NRG1: variants seen among roughly 807,000 people sequenced by gnomAD.
NRG1 encodes neuregulin 1.
NRG1 carries 18 observed loss-of-function variants against 63.8 expected under a neutral mutation model. That is an observed-to-expected ratio of 0.28 (90% CI 0.19 to 0.42). The LOEUF (loss-of-function observed/expected upper bound fraction) is 0.42. Ranked by LOEUF, NRG1 falls within the 10% of genes least tolerant of loss-of-function variation. NRG1 has a pLI of 1.00. For synonymous variants in NRG1, 302 were observed against 301.3 expected (o/e 1.00, Z -0.02); for missense variants, 762 against 814.7 (o/e 0.94, Z 0.79).
chr8:32,404,330 G>T (rs938927478), intron 1 of NRG1, among the ~76,000 whole-genome samples: 1 of 152,144 alleles, frequency 6.6e-6, no homozygotes, highest in Non-Finnish European at 1.5e-5. Context: ...GCACACTCAT[G>T]TATTTTATAT....
At chr8:31,698,475 T>C (rs1810312906) in intron 1 of NRG1, among the ~76,000 whole-genome samples, 1 of 152,222 alleles carries the variant, frequency 6.6e-6, no homozygotes, top group Non-Finnish European at 1.5e-5. Flanking sequence ...TAATTTTCGT[T>C]TAGTGAAGAG....
intron 1 of NRG1, among the ~76,000 whole-genome samples, chr8:31,911,340 C>T (rs1832928759): frequency 6.6e-6 from 1 of 152,102 alleles, no homozygotes; most frequent in Non-Finnish European, 1.5e-5. Context: ...AATCTAAATG[C>T]TCACCAACCG....
intron 5 of NRG1, among the ~76,000 whole-genome samples, chr8:32,717,604 C>T (rs1216574144): frequency 6.6e-6 from 1 of 152,138 alleles, no homozygotes; most frequent in Admixed American, 6.5e-5. Flanking sequence ...TTCCGTGCAG[C>T]AATTTCTGGC....
intron 5 of NRG1, among the ~76,000 whole-genome samples, chr8:32,633,598 T>G (rs2129544532): frequency 6.6e-6 from 1 of 152,334 alleles, no homozygotes; most frequent in Non-Finnish European, 1.5e-5. Context: ...CTCCACTATG[T>G]GTCAACTGCA....
At chr8:32,389,601 G>C (rs1383106713) in intron 1 of NRG1, among the ~76,000 whole-genome samples, 2 of 151,934 alleles carry the variant, frequency 1.3e-5, no homozygotes, top group African/African-American at 4.8e-5. Flanking sequence ...CCTAGTTCTG[G>C]CCATCCTCAC....
At chr8:32,093,158 C>T (rs1293267260) in intron 1 of NRG1, among the ~76,000 whole-genome samples, 1 of 152,168 alleles carries the variant, frequency 6.6e-6, no homozygotes, top group African/African-American at 2.4e-5. Flanking sequence ...CCTTGAGATG[C>T]TGTTAATCTG....
Position 32,365,923 on chromosome 8 carries a change from G to T in NRG1, c.38-229905G>T, listed in dbSNP as rs531342482. 4.9e-4 allele frequency among the ~76,000 whole-genome samples: 74 copies of T among 152,200 alleles called. 1 individual carries two copies. Among genetic ancestry groups the T allele is most frequent in the African/African-American group, 1.8e-3 (74 of 41,544 alleles). On this transcript the variant is annotated intron_variant, in intron 1 of 10. Transcript: ENST00000519301. ...ACATTATTTTTTATAGGTAGGTCTT[G>T]TACAAAACTCTCCATTTGATTTTAT...
chr8:31,990,855 G>A (rs1056287313), intron 1 of NRG1, among the ~76,000 whole-genome samples: 2 of 152,062 alleles, frequency 1.3e-5, no homozygotes, highest in African/African-American at 4.8e-5. Flanking sequence ...TTGTTGCCAA[G>A]TCAATGAGGA....
At chr8:32,506,913 A>G (rs1357538559) in intron 1 of NRG1, among the ~76,000 whole-genome samples, 2 of 152,172 alleles carry the variant, frequency 1.3e-5, no homozygotes, top group African/African-American at 4.8e-5. Flanking sequence ...CAGTTTTTCA[A>G]GGGTGTACAA....
At chr8:32,367,493 T>C (rs751997832) in intron 1 of NRG1, among the ~76,000 whole-genome samples, 2 of 152,134 alleles carry the variant, frequency 1.3e-5, no homozygotes, top group Non-Finnish European at 2.9e-5. Flanking sequence ...TTTTAGTGCT[T>C]TTACATATTT....
chr8:32,108,690 T>A (rs892198686), intron 1 of NRG1, among the ~76,000 whole-genome samples: 1 of 151,776 alleles, frequency 6.6e-6, no homozygotes, highest in Non-Finnish European at 1.5e-5. Flanking sequence ...ACAAGAGAAG[T>A]GAGAGTGACG....
At chr8:32,013,982 A>G (rs1815129814) in intron 1 of NRG1, among the ~76,000 whole-genome samples, 1 of 152,160 alleles carries the variant, frequency 6.6e-6, no homozygotes, top group African/African-American at 2.4e-5. Flanking sequence ...CAACTATTAC[A>G]GCTGTCATAA....
intron 1 of NRG1, among the ~76,000 whole-genome samples, chr8:31,708,480 C>T (rs1483111139): frequency 6.9e-6 from 1 of 144,624 alleles, no homozygotes; most frequent in African/African-American, 2.6e-5. Flanking sequence ...GAGTCTCGCT[C>T]TGGCGCCCAG....
At chr8:31,790,897 C>A (rs565202231) in intron 1 of NRG1, among the ~76,000 whole-genome samples, 2 of 152,172 alleles carry the variant, frequency 1.3e-5, no homozygotes, top group African/African-American at 4.8e-5. Flanking sequence ...CAGCACAGAA[C>A]TCTTTTTCTC....
At chr8:32,218,732 T>C (rs1845507199) in intron 1 of NRG1, among the ~76,000 whole-genome samples, 8 of 152,212 alleles carry the variant, frequency 5.3e-5, no homozygotes, top group Admixed American at 5.2e-4. Flanking sequence ...ACTTCTTCAT[T>C]GTATGTGTCA....
chr8:32,501,640 A>G, intron 1 of NRG1, among the ~76,000 whole-genome samples: 1 of 152,270 alleles, frequency 6.6e-6, no homozygotes, highest in African/African-American at 2.4e-5. Flanking sequence ...CTATTTAACC[A>G]AAGTGACAAT....
Position 32,401,212 on chromosome 8 carries a change from G to A in NRG1, c.38-194616G>A, listed in dbSNP as rs563535724. On this transcript the variant is annotated intron_variant, in intron 1 of 10. Coordinates refer to the NRG1 transcript ENST00000519301. ...AGGGTACTATGCTTATTACCTGGGC[G>A]ATGAAATAACCTGTACACCAAAGCC... is the stretch of plus-strand genomic sequence containing the variant. Among the ~76,000 whole-genome samples the A allele has an allele frequency of 8.5e-4, 129 of 151,948 alleles. 1 individual carries two copies. Among genetic ancestry groups the A allele is most frequent in the Non-Finnish European group, 1.4e-3 (98 of 67,968 alleles).
intron 1 of NRG1, among the ~76,000 whole-genome samples, chr8:32,020,479 G>C (rs1816251056): frequency 6.6e-6 from 1 of 151,584 alleles, no homozygotes; most frequent in South Asian, 2.1e-4. Flanking sequence ...TCCTTTCCTT[G>C]CTTTATTGCA....
intron 1 of NRG1, among the ~76,000 whole-genome samples, chr8:32,505,463 C>T (rs1309842330): frequency 5.3e-5 from 8 of 152,180 alleles, no homozygotes; most frequent in Admixed American, 1.3e-4. Context: ...CAAAGGTATA[C>T]GTGCTCCAAA....
Sources: gnomAD v4.1 joint callset for allele counts (sites outside exome capture counted in the v4.1 genomes callset) on GRCh38, gnomAD v4.1.1 for gene constraint, MANE v1.5 for transcripts, NCBI Gene and HGNC (gene_info 2026-07-23, HGNC 2026-07-21) for gene names.